The following MAGI1 variants were observed in gnomAD, a reference collection of about 807,000 sequenced individuals.
MAGI1 encodes the protein membrane associated guanylate kinase, WW and PDZ domain containing 1.
A neutral mutation model predicts 139.9 loss-of-function variants in MAGI1; 58 were observed. The ratio of observed to expected loss-of-function variants is 0.41; its 90% CI spans 0.34 to 0.52. MAGI1 has a LOEUF of 0.52. Among genes scored for constraint, MAGI1 ranks in the 20% least tolerant of loss-of-function variants. The pLI, the probability that MAGI1 is intolerant of heterozygous loss-of-function variation, is 0.12. For missense variants in MAGI1, 1,874 were observed against 1,901.6 expected (o/e 0.99, Z 0.27); for synonymous variants, 812 against 737.9 (o/e 1.10, Z -1.63).
chr3:66,024,334 A>G (rs894872624), intron 1 of MAGI1, among the ~76,000 whole-genome samples: 2 of 150,708 alleles, frequency 1.3e-5, no homozygotes, highest in African/African-American at 4.9e-5. Flanking sequence ...AAAAAAAAAA[A>G]AAAAGAACAG....
chr3:65,804,565 C>T (rs2040723670), intron 1 of MAGI1, among the ~76,000 whole-genome samples: 2 of 151,218 alleles, frequency 1.3e-5, no homozygotes, highest in Admixed American at 1.3e-4. Context: ...AAAGCTGCCT[C>T]TTTACATATT....
intron 5 of MAGI1, among the ~76,000 whole-genome samples, chr3:65,462,549 G>A (rs1372205396): frequency 6.6e-6 from 1 of 152,180 alleles, no homozygotes; most frequent in African/African-American, 2.4e-5. Context: ...AAGTCAGATA[G>A]CATGATGCCT....
intron 10 of MAGI1, among the ~76,000 whole-genome samples, chr3:65,432,949 T>C (rs946068522): frequency 6.6e-6 from 1 of 152,164 alleles, no homozygotes; most frequent in African/African-American, 2.4e-5. Context: ...CAATCCCTTT[T>C]TCCTGCTTTA....
intron 13 of MAGI1, among the ~76,000 whole-genome samples, chr3:65,397,529 ATT>A (rs567332426): frequency 2.3e-4 from 33 of 141,118 alleles, no homozygotes; most frequent in Admixed American, 2.8e-4. Context: ...TTTTTGTAGG[ATT>A]TTTTTTTTTT....
At chr3:65,768,551 A>C (rs564607707) in intron 1 of MAGI1, among the ~76,000 whole-genome samples, 1 of 152,262 alleles carries the variant, frequency 6.6e-6, no homozygotes, top group East Asian at 1.9e-4. Flanking sequence ...CAAAAATAAG[A>C]CTATTGAAAT....
intron 1 of MAGI1, among the ~76,000 whole-genome samples, chr3:66,035,924 G>C (rs1204201649): frequency 6.6e-6 from 1 of 152,160 alleles, no homozygotes; most frequent in Non-Finnish European, 1.5e-5. Flanking sequence ...CTAGTGGAAG[G>C]AAGAGACACA....
At position 65,382,034 on chromosome 3, in the gene MAGI1, A is replaced by G. The variant is rs755036583; in HGVS notation, c.2544T>C (p.Ala848=). Residue 848 remains alanine (A), a synonymous_variant, in exon 16 of 23, where the codon GCT becomes GCC. Coordinates refer to ENST00000402939, the MANE Select transcript of MAGI1 (RefSeq NM_001033057.2). ...CAGACCTCAGGCGGCCGTCAGTATCAGCAGCACCCAGTGGTACGATGTGAC... is the reference window on the plus strand; with the variant it reads ...CAGACCTCAGGCGGCCGTCAGTATCGGCAGCACCCAGTGGTACGATGTGAC... ...YIGHIVPLGA[A]DTDGRLRSGD... is the part of the protein sequence containing the mutation. 1 of 1,613,928 alleles carries G rather than the reference A, an allele frequency of 6.2e-7. No homozygotes were observed. Among genetic ancestry groups the G allele is most frequent in the East Asian group, 2.2e-5 (1 of 44,866 alleles).
intron 1 of MAGI1, among the ~76,000 whole-genome samples, chr3:65,665,994 CT>C (rs2086493562): frequency 6.6e-6 from 1 of 152,154 alleles, no homozygotes; most frequent in Admixed American, 6.6e-5. Context: ...CAGGCCACAA[CT>C]TTTTTAAACC....
intron 1 of MAGI1, among the ~76,000 whole-genome samples, chr3:65,655,631 C>T (rs2107343206): frequency 6.6e-6 from 1 of 152,316 alleles, no homozygotes; most frequent in African/African-American, 2.4e-5. Context: ...TGCTCGCATA[C>T]ATTATTTAAT....
At chr3:65,593,324 T>G (rs2082048257) in intron 2 of MAGI1, among the ~76,000 whole-genome samples, 1 of 152,218 alleles carries the variant, frequency 6.6e-6, no homozygotes, top group African/African-American at 2.4e-5. Flanking sequence ...AGATTCCCAC[T>G]GATCTAATCT....
rs564356003 is a variant in MAGI1 at position 65,945,692 on chromosome 3, C to T, written c.313+92304G>A. ...TCCAGCTATTTCTGTATCTCACTTC[C>T]GATTTCTGTATGTCATTTCTCTTTT... On this transcript the variant is annotated intron_variant, in intron 1 of 22. Coordinates refer to ENST00000402939, the MANE Select transcript of MAGI1 (RefSeq NM_001033057.2). Among the ~76,000 whole-genome samples, 11 of 152,306 alleles carry T rather than the reference C, an allele frequency of 7.2e-5. 1 individual carries two copies. The highest frequency in any genetic ancestry group is 6.2e-4 in the South Asian group (3 of 4,822).
intron 1 of MAGI1, among the ~76,000 whole-genome samples, chr3:65,788,735 G>A (rs1422122792): frequency 1.3e-5 from 2 of 152,162 alleles, no homozygotes; most frequent in African/African-American, 2.4e-5. Flanking sequence ...AGAGAAATGA[G>A]GCAGCCTCAA....
intron 5 of MAGI1, among the ~76,000 whole-genome samples, chr3:65,469,374 G>A (rs1950406045): frequency 6.6e-6 from 1 of 151,662 alleles, no homozygotes; most frequent in African/African-American, 2.4e-5. Flanking sequence ...AAAACATGGT[G>A]AATCTCAATG....
In MAGI1 at chr3:65,363,479, A is replaced by C. The variant is rs779247838; in HGVS notation, c.3481T>G (p.Cys1161Gly). Reference sequence around the variant, plus strand: ...TCTCCACTTACCCTCATCTTTCCACACCTCTCCGCAGGACCGTCCTCTGCT... The same window carrying C: ...TCTCCACTTACCCTCATCTTTCCACCCCTCTCCGCAGGACCGTCCTCTGCT... Reference protein sequence around the residue: ...RLAEDGPAERCGKMRIGDEIL... With the variant: ...RLAEDGPAERGGKMRIGDEIL... Residue 1161 changes from cysteine to glycine, a missense_variant, in exon 21 of 23, where the codon TGT (cysteine) becomes GGT (glycine). By Grantham distance (159) the Cys-to-Gly change is radical. Coordinates refer to ENST00000402939, the MANE Select transcript of MAGI1 (RefSeq NM_001033057.2). The C allele has an allele frequency of 6.2e-7, 1 of 1,611,094 alleles. No homozygotes were observed. Among genetic ancestry groups the C allele is most frequent in the South Asian group, 1.1e-5 (1 of 90,512 alleles).
At chr3:65,587,941 C>A (rs2081771053) in intron 2 of MAGI1, among the ~76,000 whole-genome samples, 1 of 152,132 alleles carries the variant, frequency 6.6e-6, no homozygotes, top group African/African-American at 2.4e-5. Context: ...CTGAGAGAAG[C>A]TCAACTTCCC....
At chr3:65,691,709 C>A (rs1377848926) in intron 1 of MAGI1, among the ~76,000 whole-genome samples, 1 of 152,138 alleles carries the variant, frequency 6.6e-6, no homozygotes, top group African/African-American at 2.4e-5. Flanking sequence ...AATCTCACTA[C>A]CTCAGCGTGA....
rs189299180 is a variant in MAGI1 at position 65,640,739 on chromosome 3, G to A, written c.314-18651C>T. 9.9e-5 allele frequency among the ~76,000 whole-genome samples: 15 copies of A among 152,240 alleles called. No homozygotes were observed. The East Asian group carries it at 1.7e-3, about 18-fold the overall frequency. ...CCGAATATATTGCTTATATACTGAC[G>A]TATTTACCCGAATCCTAAAATAACA... On this transcript the variant is annotated intron_variant, in intron 1 of 22. Coordinates refer to ENST00000402939, the MANE Select transcript of MAGI1 (RefSeq NM_001033057.2).
chr3:65,609,736 C>T (rs1196754477), intron 2 of MAGI1: 4 of 315,082 alleles, frequency 1.3e-5, no homozygotes, highest in Non-Finnish European at 2.6e-5. Flanking sequence ...AGGTGTGCAC[C>T]ACCATACCTG....
intron 2 of MAGI1, among the ~76,000 whole-genome samples, chr3:65,544,922 G>C (rs1358294696): frequency 6.6e-6 from 1 of 152,166 alleles, no homozygotes; most frequent in Non-Finnish European, 1.5e-5. Flanking sequence ...AATATAAACA[G>C]CCACATGCAT....
Sources: gnomAD v4.1 joint callset for allele counts (sites outside exome capture counted in the v4.1 genomes callset) on GRCh38, gnomAD v4.1.1 for gene constraint, MANE v1.5 for transcripts, NCBI Gene and HGNC (gene_info 2026-07-23, HGNC 2026-07-21) for gene names.